Variants in MAGI2 observed in about 807,000 individuals in gnomAD.
MAGI2 encodes the protein membrane associated guanylate kinase, WW and PDZ domain containing 2.
A neutral mutation model predicts 133.3 loss-of-function variants in MAGI2; 35 were observed. That is an observed-to-expected ratio of 0.26 (90% CI 0.20 to 0.35). The LOEUF is 0.35. Ranked by LOEUF, MAGI2 falls within the 10% of genes least tolerant of loss-of-function variation. The pLI is 1.00. For synonymous variants in MAGI2, 729 were observed against 710.6 expected (o/e 1.03, Z -0.41); for missense variants, 1,636 against 1,863.4 (o/e 0.88, Z 2.25).
At chr7:79,263,678 G>C (rs1453608935) in intron 1 of MAGI2, among the ~76,000 whole-genome samples, 1 of 152,012 alleles carries the variant, frequency 6.6e-6, no homozygotes, top group Non-Finnish European at 1.5e-5. Context: ...AGGTCTCTGA[G>C]GTACAAAATG....
At chr7:79,136,081 GAA>G (rs1466533864) in intron 1 of MAGI2, among the ~76,000 whole-genome samples, 1 of 125,860 alleles carries the variant, frequency 7.9e-6, no homozygotes, top group South Asian at 2.5e-4. Context: ...AAGAAAGAAA[GAA>G]AGAAAGAAAG....
At chr7:79,082,959 T>C (rs1482761047) in intron 1 of MAGI2, among the ~76,000 whole-genome samples, 1 of 151,848 alleles carries the variant, frequency 6.6e-6, no homozygotes, top group African/African-American at 2.4e-5. Flanking sequence ...ATAAATAAAA[T>C]TGTTTTAATT....
chr7:79,149,202 G>C (rs565833165), intron 1 of MAGI2, among the ~76,000 whole-genome samples: 5 of 147,080 alleles, frequency 3.4e-5, no homozygotes, highest in Non-Finnish European at 7.4e-5. Context: ...TATATATATA[G>C]AGCGAGAGAG....
At chr7:78,470,104 T>C (rs901105148) in intron 6 of MAGI2, among the ~76,000 whole-genome samples, 3 of 152,132 alleles carry the variant, frequency 2.0e-5, no homozygotes, top group African/African-American at 7.2e-5. Context: ...CACTGTCAAG[T>C]TGAAAAACCA....
Position 79,237,161 on chromosome 7 carries a change from TG to T in MAGI2, c.301+215858del, listed in dbSNP as rs796991018. Among the ~76,000 whole-genome samples the T allele has an allele frequency of 1.9e-3, 289 of 152,362 alleles. 1 individual carries two copies. Among genetic ancestry groups the T allele is most frequent in the African/African-American group, 6.5e-3 (271 of 41,578 alleles). On this transcript the variant is annotated intron_variant, in intron 1 of 21. Transcript: ENST00000354212. ...TAATAATAATGATAATACATTAAAA[TG>T]GGTCTTTACAAACTCACAAAATATT...
chr7:78,379,568 C>T (rs1794735466), intron 6 of MAGI2, among the ~76,000 whole-genome samples: 3 of 151,912 alleles, frequency 2.0e-5, no homozygotes. Context: ...ACTACAGGAG[C>T]TGTGAGGAAA....
chr7:78,294,914 A>G (rs1797078564), intron 9 of MAGI2, among the ~76,000 whole-genome samples: 1 of 152,164 alleles, frequency 6.6e-6, no homozygotes, highest in Admixed American at 6.6e-5. Context: ...TGTTTAATGT[A>G]TTAGAATAAC....
At chr7:79,361,875 A>AG (rs1842399601) in intron 1 of MAGI2, among the ~76,000 whole-genome samples, 1 of 152,154 alleles carries the variant, frequency 6.6e-6, no homozygotes, top group Admixed American at 6.5e-5. Flanking sequence ...GAAGTAATAT[A>AG]AATGAAAACA....
chr7:79,034,994 A>T (rs935792533), intron 1 of MAGI2, among the ~76,000 whole-genome samples: 1 of 152,170 alleles, frequency 6.6e-6, no homozygotes, highest in Non-Finnish European at 1.5e-5. Flanking sequence ...AACCTTAATG[A>T]TTACCACTTG....
At chr7:78,443,805 A>G (rs11765817) in intron 6 of MAGI2, among the ~76,000 whole-genome samples, 66,174 of 152,002 alleles carry the variant, frequency 0.44, 17,595 homozygotes, top group Non-Finnish European at 0.59. Context: ...ACTCTGGAAT[A>G]CAGACATCAA....
At chr7:79,012,575 A>C (rs1489943791) in intron 1 of MAGI2, among the ~76,000 whole-genome samples, 3 of 152,160 alleles carry the variant, frequency 2.0e-5, no homozygotes, top group African/African-American at 7.2e-5. Context: ...TGTTTTTAAC[A>C]TACAAGGCCA....
chr7:78,292,658 G>T (rs954083074), intron 9 of MAGI2, among the ~76,000 whole-genome samples: 2 of 152,160 alleles, frequency 1.3e-5, no homozygotes, highest in Non-Finnish European at 2.9e-5. Flanking sequence ...AAAGCTGGAG[G>T]CATCAGACTA....
At chr7:78,649,645 T>C (rs915098716) in intron 2 of MAGI2, among the ~76,000 whole-genome samples, 1 of 152,142 alleles carries the variant, frequency 6.6e-6, no homozygotes, top group Non-Finnish European at 1.5e-5. Flanking sequence ...TCTTTTTTTT[T>C]ATAGCAGTTG....
chr7:79,050,570 C>A (rs1041167796), intron 1 of MAGI2, among the ~76,000 whole-genome samples: 1 of 152,014 alleles, frequency 6.6e-6, no homozygotes, highest in Admixed American at 6.6e-5. Context: ...TTTGTAGAGA[C>A]TGGGTCTTGA....
intron 1 of MAGI2, among the ~76,000 whole-genome samples, chr7:79,009,650 G>T (rs1027115480): frequency 7.2e-5 from 11 of 152,118 alleles, no homozygotes; most frequent in African/African-American, 2.2e-4. Flanking sequence ...TCAGGACATG[G>T]ATCACAGTGG....
intron 5 of MAGI2, among the ~76,000 whole-genome samples, chr7:78,497,019 G>A (rs1794147426): frequency 6.6e-6 from 1 of 152,084 alleles, no homozygotes; most frequent in South Asian, 2.1e-4. Context: ...GAGTAAAAAC[G>A]CTTAACAGAT....
intron 1 of MAGI2, among the ~76,000 whole-genome samples, chr7:79,101,723 C>CAAAAAAAAAA (rs376256842): frequency 8.9e-6 from 1 of 112,764 alleles, no homozygotes; most frequent in South Asian, 3.2e-4. Flanking sequence ...GACTCTGTCA[C>CAAAAAAAAAA]AAAAAAAAAA....
At chr7:79,150,403 A>G (rs1206372379) in intron 1 of MAGI2, among the ~76,000 whole-genome samples, 1 of 152,204 alleles carries the variant, frequency 6.6e-6, no homozygotes, top group Non-Finnish European at 1.5e-5. Context: ...TCTTCCCTCC[A>G]TAGACGTATT....
intron 7 of MAGI2, among the ~76,000 whole-genome samples, chr7:78,368,777 T>C (rs1793634084): frequency 6.6e-6 from 1 of 152,176 alleles, no homozygotes; most frequent in South Asian, 2.1e-4. Context: ...CTAAAAAATA[T>C]GTCTGATTCA....
Sources: allele counts gnomAD v4.1 joint callset (sites outside exome capture counted in the v4.1 genomes callset), GRCh38; gene constraint gnomAD v4.1.1; transcripts MANE v1.5; gene names NCBI Gene and HGNC (gene_info 2026-07-23, HGNC 2026-07-21).